Variants in FABP4 observed in about 807,000 individuals in gnomAD.
FABP4 encodes fatty acid-binding protein, adipocyte.
Under a neutral mutation model 14.6 loss-of-function variants are expected in FABP4, and 17 were observed. That is an observed-to-expected ratio of 1.16 (90% CI 0.80 to 1.74). The LOEUF (loss-of-function observed/expected upper bound fraction) is 1.74. Ranked by LOEUF, FABP4 falls within the 40% of genes most tolerant of loss-of-function variation. The probability of loss-of-function intolerance (pLI) is 0.00; values close to 1 mark genes in which losing one functional copy is unlikely to be tolerated. For synonymous variants in FABP4, 54 were observed against 54.6 expected, an observed-to-expected ratio of 0.99 and a Z score of 0.05; for missense variants, 149 against 160.3, an observed-to-expected ratio of 0.93 and a Z score of 0.38.
chr8:81,479,758 G>T, intron 2 of FABP4: 1 of 323,516 alleles, frequency 3.1e-6, no homozygotes, highest in Non-Finnish European at 5.6e-6. Context: ...ATATGAAAAA[G>T]AAATTTACAT....
Position 81,479,496 on chromosome 8 carries a change from C to G in FABP4, c.266G>C (p.Gly89Ala), listed in dbSNP as rs768459792. 1.2e-6 allele frequency: 2 copies of G among 1,612,956 alleles called. No individual in the cohort carries two copies. Among genetic ancestry groups the G allele is most frequent in the Non-Finnish European group, 1.7e-6 (2 of 1,179,328 alleles). ...RKVKSTITLD[G>A]GVLVHVQKWD... ...TTTCTGCACATGTACCAGGACACCC[C>G]CATCTAAGGTTATGGTGCTCTGTAG... The change falls in exon 3 of 4, where the codon GGG (glycine) becomes GCG (alanine). Residue 89 changes from glycine (G) to alanine (A), a missense_variant. Gly to Ala is a moderately conservative substitution (Grantham distance 60). Transcript: ENST00000256104.
intron 3 of FABP4, 126 bp from the exon 4 acceptor site, chr8:81,479,041 T>TGG: frequency 1.3e-6 from 1 of 784,836 alleles, no homozygotes; most frequent in Non-Finnish European, 2.1e-6. Flanking sequence ...CTCCTATATA[T>TGG]GTAACCCATA....
chr8:81,479,644 C>A, intron 2 of FABP4, 129 bp from the exon 3 acceptor site: 8 of 574,416 alleles, frequency 1.4e-5, no homozygotes, highest in South Asian at 8.0e-5. Context: ...TATATTGCAA[C>A]AAGAAAAAAA....
At position 81,480,579 on chromosome 8, in the gene FABP4, C is replaced by T; in HGVS notation, c.93G>A (p.Arg31=). 2 of 1,611,754 alleles carry T rather than the reference C, an allele frequency of 1.2e-6. No homozygotes were observed. The highest frequency in any genetic ancestry group is 1.7e-6 in the Non-Finnish European group (2 of 1,178,954). The change falls in exon 2 of 4, where the codon AGG becomes AGA. Residue 31 remains arginine, a synonymous_variant. Transcript: ENST00000256104. The part of the protein sequence containing the change: ...MKEVGVGFAT[R]KVAGMAKPNM... ...TAGGTTTGGCCATGCCAGCCACTTTCCTGGTGGCAAAGCCCACTCCTACAG... is the reference window on the plus strand; with the variant it reads ...TAGGTTTGGCCATGCCAGCCACTTTTCTGGTGGCAAAGCCCACTCCTACAG...
At position 81,478,749 on chromosome 8, in the gene FABP4, G is replaced by A. The variant is rs1808010393; in HGVS notation, c.*116C>T. On this transcript the variant is annotated 3_prime_UTR_variant, in exon 4 of 4. Transcript: ENST00000256104. ...ACCATATTGAATAAAATCAGCTTGG[G>A]AGAAAATTAGTTGCTTGCTAAATCA... 1 of 927,946 alleles carries A rather than the reference G, an allele frequency of 1.1e-6. No individual in the cohort carries two copies. The highest frequency in any genetic ancestry group is 2.0e-5 in the South Asian group (1 of 49,674). The allele number at this position is 927,946 out of a possible 1,614,324, so 57.5% of individuals were successfully genotyped here. A position where few individuals can be genotyped will look rare whatever the true frequency, so the allele number is the denominator to read the frequency against.
intron 1 of FABP4, among the ~76,000 whole-genome samples, chr8:81,482,799 AG>A (rs898525604): frequency 6.6e-6 from 1 of 152,192 alleles, no homozygotes; most frequent in Non-Finnish European, 1.5e-5. Context: ...AAGTAAACCA[AG>A]GATACCCAAG....
intron 1 of FABP4, among the ~76,000 whole-genome samples, chr8:81,480,853 T>A (rs1276922271): frequency 2.6e-5 from 4 of 152,110 alleles, no homozygotes; most frequent in African/African-American, 9.7e-5. Flanking sequence ...TCTTTAAACT[T>A]CCCTTTCTCT....
intron 1 of FABP4, among the ~76,000 whole-genome samples, chr8:81,482,066 T>C (rs1002714713): frequency 6.6e-6 from 1 of 152,198 alleles, no homozygotes; most frequent in African/African-American, 2.4e-5. Context: ...AATTAGTTTA[T>C]TGAATCACTC....
At chr8:81,480,202 A>C (rs72684468) in intron 2 of FABP4, among the ~76,000 whole-genome samples, 23,476 of 152,120 alleles carry the variant, frequency 0.15, 1,871 homozygotes, top group Middle Eastern at 0.18. Flanking sequence ...GAGTGAGAAC[A>C]TGTCTCTAAA....
intron 3 of FABP4, 58 bp downstream of exon 3, chr8:81,479,356 G>A (rs1315949721): frequency 7.6e-7 from 1 of 1,313,456 alleles, no homozygotes; most frequent in African/African-American, 1.5e-5. Flanking sequence ...AAGTGGAATA[G>A]TGATCATGAG....
At chr8:81,480,384 A>C in intron 2 of FABP4, 42 bp downstream of exon 2, 2 of 1,567,814 alleles carry the variant, frequency 1.3e-6, no homozygotes, top group South Asian at 2.4e-5. Context: ...GTGGTGATTT[A>C]GAAACCAGGC....
intron 1 of FABP4, among the ~76,000 whole-genome samples, chr8:81,482,174 C>G (rs1808089498): frequency 6.6e-6 from 1 of 151,980 alleles, no homozygotes; most frequent in Non-Finnish European, 1.5e-5. Context: ...AAAATATATA[C>G]TGTATAATTT....
At chr8:81,479,934 G>A (rs1388245342) in intron 2 of FABP4, 1 of 160,520 alleles carries the variant, frequency 6.2e-6, no homozygotes, top group African/African-American at 2.4e-5. Context: ...CAGGCCAGGT[G>A]TGGTGGCTCA....
chr8:81,483,080 A>T lies in FABP4; in HGVS notation c.73+15T>A. Reference sequence around the variant, plus strand: ...AATATTATAAATCCAGTCATTCCACAACGCATTTCCTTACCTACTTCTTTC... The same window carrying T: ...AATATTATAAATCCAGTCATTCCACTACGCATTTCCTTACCTACTTCTTTC... On this transcript the variant is annotated intron_variant, in intron 1 of 3. Coordinates refer to ENST00000256104, the MANE Select transcript of FABP4 (RefSeq NM_001442.3). 2 of 1,591,898 alleles carry T rather than the reference A, an allele frequency of 1.3e-6. No homozygotes were observed. The highest frequency in any genetic ancestry group is 2.3e-5 in the South Asian group (2 of 88,120).
In FABP4 at chr8:81,482,148, G is replaced by C. The variant is rs1808088119; in HGVS notation, c.73+947C>G. On this transcript the variant is annotated intron_variant, in intron 1 of 3. Transcript: ENST00000256104. ...CTATCATCTAAAAACAAGAAACATA[G>C]TTACAGACAAGCAAAAAAATATATA... Among the ~76,000 whole-genome samples, 3 of 146,934 alleles carry C rather than the reference G, an allele frequency of 2.0e-5. No homozygotes were observed. In the East Asian group the frequency reaches 8.5e-4, roughly 42 times the overall value.
At position 81,478,910 on chromosome 8, in the gene FABP4, G is replaced by A. The variant is rs372210964; in HGVS notation, c.354C>T (p.Cys118=). 7.4e-6 allele frequency: 12 copies of A among 1,612,510 alleles called. No individual in the cohort carries two copies. The African/African-American group carries it at 8.0e-5, about 11-fold the overall frequency. ...TCGTGGAAGTGACGCCTTTCATGAC[G>A]CATTCCTAGACACAAAAAACAATTC... The part of the protein sequence containing the change: ...KREDDKLVVE[C]VMKGVTSTRV... The change falls in exon 4 of 4, where the codon TGC becomes TGT. Residue 118 remains cysteine (C), a synonymous_variant. Coordinates refer to ENST00000256104, the MANE Select transcript of FABP4 (RefSeq NM_001442.3).
chr8:81,479,739 T>C, intron 2 of FABP4: 1 of 353,748 alleles, frequency 2.8e-6, no homozygotes, highest in Admixed American at 4.5e-5. Flanking sequence ...GAAAAATTAC[T>C]GTGAAGGAAT....
rs189022217 is a variant in FABP4, at chr8:81,482,292, C to A, written c.73+803G>T. Among the ~76,000 whole-genome samples the A allele has an allele frequency of 7.9e-5, 12 of 152,272 alleles. No individual in the cohort carries two copies. In the East Asian group the frequency reaches 2.3e-3, roughly 29 times the overall value. ...CCCAGTTCTGACTTTATTGGACTGTCATGCATGGGGTTGAGGGAGAAAGGT... is the reference window on the plus strand; with the variant it reads ...CCCAGTTCTGACTTTATTGGACTGTAATGCATGGGGTTGAGGGAGAAAGGT... On this transcript the variant is annotated intron_variant, in intron 1 of 3. Transcript: ENST00000256104.
chr8:81,482,307 G>A (rs1377267945), intron 1 of FABP4, among the ~76,000 whole-genome samples: 1 of 152,158 alleles, frequency 6.6e-6, no homozygotes, highest in African/African-American at 2.4e-5. Context: ...ATGGGGTTGA[G>A]GGAGAAAGGT....
Sources: gnomAD v4.1 joint callset for allele counts (sites outside exome capture counted in the v4.1 genomes callset) on GRCh38, gnomAD v4.1.1 for gene constraint, MANE v1.5 for transcripts, NCBI Gene and HGNC (gene_info 2026-07-23, HGNC 2026-07-21) for gene names.